DENND4C: variants seen among roughly 807,000 people sequenced by gnomAD.
DENND4C encodes the protein DENN domain containing 4C.
DENND4C carries 108 observed loss-of-function variants against 203.0 expected under a neutral mutation model. That is an observed-to-expected ratio of 0.53 (90% confidence interval 0.46 to 0.62). The LOEUF is 0.62. Ranked by LOEUF, DENND4C falls within the 20% of genes least tolerant of loss-of-function variation. The pLI is 0.00. For synonymous variants in DENND4C, 871 were observed against 792.4 expected (o/e 1.10, Z -1.67); for missense variants, 2,481 against 2,301.2 (o/e 1.08, Z -1.60).
chr9:19,258,508 G>A (rs549350655), intron 1 of DENND4C, among the ~76,000 whole-genome samples: 1 of 152,038 alleles, frequency 6.6e-6, no homozygotes, highest in Non-Finnish European at 1.5e-5. Context: ...ACCCAAGTGG[G>A]GTTTATGCCA....
At chr9:19,258,084 C>T (rs1055073385) in intron 1 of DENND4C, among the ~76,000 whole-genome samples, 2 of 151,944 alleles carry the variant, frequency 1.3e-5, no homozygotes, top group Admixed American at 6.6e-5. Context: ...TGTCACTGCA[C>T]TCCAGCCTGG....
intron 1 of DENND4C, among the ~76,000 whole-genome samples, chr9:19,269,304 G>T (rs1831148059): frequency 6.6e-6 from 1 of 152,062 alleles, no homozygotes. Flanking sequence ...GGAATTACAG[G>T]TGCCCGCTAC....
intron 1 of DENND4C, among the ~76,000 whole-genome samples, chr9:19,266,417 A>T (rs1830511400): frequency 6.6e-6 from 1 of 152,208 alleles, no homozygotes; most frequent in Non-Finnish European, 1.5e-5. Flanking sequence ...TTGCCTGTTC[A>T]ATCTGATGGT....
intron 13 of DENND4C, 85 bp from the exon 14 acceptor site, chr9:19,325,849 AGTTTT>A (rs1817701815): frequency 8.2e-7 from 1 of 1,218,168 alleles, no homozygotes; most frequent in African/African-American, 1.5e-5. Flanking sequence ...GAAAAGGGGT[AGTTTT>A]TTTCTAAATC....
chr9:19,357,057 G>A lies in DENND4C; in HGVS notation c.4867G>A (p.Val1623Ile), dbSNP rs769153717. The change falls in exon 27 of 33, where the codon GTA (valine) becomes ATA (isoleucine). Residue 1623 changes from valine to isoleucine, a missense_variant. This residue lies in a region of DENND4C where 2,289 missense variants were observed against 2,113.3 expected (regional missense o/e 1.08). Coordinates refer to ENST00000434457, the MANE Select transcript of DENND4C (RefSeq NM_001330640.2). ...AAATGAATCCTTGGAGCACAAACCT[G>A]TATCCAGTTTAGCAGAACCTGACTT... ...LANESLEHKP[V>I]SSLAEPDLIN... The A allele has an allele frequency of 5.0e-6, 8 of 1,613,800 alleles. No homozygotes were observed. The Admixed American group carries it at 5.0e-5, about 10-fold the overall frequency.
intron 5 of DENND4C, among the ~76,000 whole-genome samples, chr9:19,295,514 G>A (rs1837258470): frequency 6.7e-6 from 1 of 149,880 alleles, no homozygotes. Context: ...CAAAAAAAAA[G>A]GAAAAAAAAA....
chr9:19,285,799 T>C (rs1835090941), intron 2 of DENND4C, among the ~76,000 whole-genome samples: 1 of 152,184 alleles, frequency 6.6e-6, no homozygotes, highest in African/African-American at 2.4e-5. Flanking sequence ...ATTCCAACAC[T>C]ACATATTGAA....
At chr9:19,300,413 C>G (rs1838317412) in intron 9 of DENND4C, 82 bp downstream of exon 9, 1 of 1,279,884 alleles carries the variant, frequency 7.8e-7, no homozygotes, top group African/African-American at 1.5e-5. Flanking sequence ...AAAACAGCAA[C>G]TTTGTAAACA....
chr9:19,231,745 T>C (rs1316569357), intron 1 of DENND4C, among the ~76,000 whole-genome samples: 1 of 152,006 alleles, frequency 6.6e-6, no homozygotes, highest in East Asian at 1.9e-4. Context: ...TTTCCAGTAG[T>C]GAACCCTCAG....
chr9:19,278,655 A>T (rs1174663998), intron 2 of DENND4C, among the ~76,000 whole-genome samples: 1 of 152,284 alleles, frequency 6.6e-6, no homozygotes, highest in South Asian at 2.1e-4. Flanking sequence ...AAACCAAAGG[A>T]TGATTTGTCT....
intron 1 of DENND4C, among the ~76,000 whole-genome samples, chr9:19,231,203 A>T (rs1820454223): frequency 6.6e-6 from 1 of 151,866 alleles, no homozygotes; most frequent in Admixed American, 6.5e-5. Flanking sequence ...CGGGGTGCGG[A>T]GGGAGCAGGA....
At chr9:19,304,307 C>T (rs1372082251) in intron 9 of DENND4C, among the ~76,000 whole-genome samples, 3 of 151,306 alleles carry the variant, frequency 2.0e-5, no homozygotes, top group Non-Finnish European at 2.9e-5. Context: ...GCCCCAGCCT[C>T]CCGAGTAGCT....
At chr9:19,367,563 C>T (rs1403333024) in intron 30 of DENND4C, among the ~76,000 whole-genome samples, 5 of 152,192 alleles carry the variant, frequency 3.3e-5, no homozygotes, top group South Asian at 2.1e-4. Context: ...TGGGGAAACC[C>T]CGTCTCTACT....
At chr9:19,244,912 A>G (rs1824768728) in intron 1 of DENND4C, among the ~76,000 whole-genome samples, 1 of 152,222 alleles carries the variant, frequency 6.6e-6, no homozygotes, top group Admixed American at 6.6e-5. Context: ...ATATGAAATG[A>G]ATTACTAGAT....
chr9:19,239,105 A>G (rs929827634), intron 1 of DENND4C, among the ~76,000 whole-genome samples: 10 of 151,512 alleles, frequency 6.6e-5, no homozygotes, highest in African/African-American at 1.9e-4. Context: ...AATTTTATTG[A>G]TTTCTGCATT....
chr9:19,350,950 A>G (rs1823979908), intron 24 of DENND4C, 71 bp downstream of exon 24: 3 of 1,464,202 alleles, frequency 2.0e-6, no homozygotes, highest in African/African-American at 1.4e-5. Context: ...AATTTAAGAG[A>G]CGGGGTTTTG....
Position 19,324,501 on chromosome 9 carries a change from A to G in DENND4C, c.1947A>G (p.Ile649Met), listed in dbSNP as rs1339818804. The G allele has an allele frequency of 3.1e-6, 5 of 1,603,318 alleles. No homozygotes were observed. The African/African-American group carries it at 6.8e-5, about 22-fold the overall frequency. ...GATTAGCATTTTTTGATGACTGCAT[A>G]GAAAAGGTAAAAGTTTGTACTTATA... ...DTGLAFFDDC[I>M]EKLFPDKGTE... is the part of the protein sequence containing the mutation. The change falls in exon 13 of 33, where the codon ATA (isoleucine) becomes ATG (methionine). Residue 649 changes from isoleucine to methionine, a missense_variant. Transcript: ENST00000434457.
chr9:19,261,257 A>G (rs1250844347), intron 1 of DENND4C, among the ~76,000 whole-genome samples: 1 of 152,032 alleles, frequency 6.6e-6, no homozygotes, highest in Admixed American at 6.6e-5. Flanking sequence ...CTGTTTGGCT[A>G]CTATAGCTCT....
intron 28 of DENND4C, among the ~76,000 whole-genome samples, chr9:19,359,657 AC>A (rs764539195): frequency 3.6e-4 from 54 of 149,516 alleles, no homozygotes; most frequent in Non-Finnish European, 6.9e-4. Flanking sequence ...CAGTCTAGGC[AC>A]CAGGGGGACT....
Sources: allele counts gnomAD v4.1 joint callset (sites outside exome capture counted in the v4.1 genomes callset), GRCh38; gene constraint gnomAD v4.1.1; regional missense constraint gnomAD v4.1.1; transcripts MANE v1.5; gene names NCBI Gene and HGNC (gene_info 2026-07-23, HGNC 2026-07-21).